Variants in RFPL4B observed in about 807,000 individuals in gnomAD.
RFPL4B encodes the protein ret finger protein like 4B.
For missense variants in RFPL4B, 314 were observed against 327.7 expected (o/e 0.96, Z 0.32); for synonymous variants, 118 against 126.3 (o/e 0.93, Z 0.44).
rs569618954 is a variant in RFPL4B at position 112,350,845 on chromosome 6, AG to A, written c.*346del. The A allele has an allele frequency of 7.5e-4, 149 of 197,390 alleles. No individual in the cohort carries two copies. The highest frequency in any genetic ancestry group is 1.3e-3 in the Admixed American group (24 of 17,798). 12.2% of individuals were successfully genotyped at this position (197,390 alleles called of 1,614,324 possible). The stretch of plus-strand genomic sequence containing the variant: ...AGTAAATAACAAATAGAGAAATCTT[AG>A]ATTGTAAGTAAGCTAGATATTAGGT... On this transcript the variant is annotated 3_prime_UTR_variant, in exon 3 of 3. Coordinates refer to ENST00000441065, the MANE Select transcript of RFPL4B (RefSeq NM_001013734.3).
chr6:112,348,618 TCTG>T (rs1789112281), intron 1 of RFPL4B, among the ~76,000 whole-genome samples: 2 of 152,342 alleles, frequency 1.3e-5, no homozygotes, highest in South Asian at 4.1e-4. Context: ...GGTAAGGAGT[TCTG>T]CTAGTTACTG....
chr6:112,350,231 TTCCCTGAGCATGGC>T lies in RFPL4B; in HGVS notation c.525_538del (p.Pro176LeufsTer12). 1.2e-6 allele frequency: 2 copies of T among 1,614,198 alleles called. No homozygotes were observed. Among genetic ancestry groups the T allele is most frequent in the Non-Finnish European group, 1.7e-6 (2 of 1,180,040 alleles). On this transcript the variant is annotated frameshift_variant, in exon 3 of 3. Coordinates refer to ENST00000441065, the MANE Select transcript of RFPL4B (RefSeq NM_001013734.3). LOFTEE classifies it low-confidence loss of function (END_TRUNC). ...GGCTGACAGAAAGAGCAATGATTTA[TTCCCTGAGCATGGC>T]TTCTGGATCAGCATGAAGGCAGGAG... is the stretch of plus-strand genomic sequence containing the variant.
At chr6:112,347,868 G>A (rs938473104) in intron 1 of RFPL4B, among the ~76,000 whole-genome samples, 4 of 152,088 alleles carry the variant, frequency 2.6e-5, no homozygotes, top group Non-Finnish European at 1.5e-5. Flanking sequence ...CAGCTACTCA[G>A]GAGACCGAGG....
chr6:112,348,726 A>G (rs1022011165), intron 1 of RFPL4B, among the ~76,000 whole-genome samples: 2 of 152,174 alleles, frequency 1.3e-5, no homozygotes, highest in African/African-American at 4.8e-5. Context: ...TCATGGGTCT[A>G]GCCTGGTCCA....
rs774059979 is a variant in RFPL4B at position 112,350,023 on chromosome 6, C to G, written c.315C>G (p.Ser105Arg). 6.2e-7 allele frequency: 1 copy of G among 1,614,076 alleles called. No homozygotes were observed. Among genetic ancestry groups the G allele is most frequent in the Non-Finnish European group, 8.5e-7 (1 of 1,180,036 alleles). ...EDVTLDAATA[S>R]SLLVFSNDLR... ...TGACCCTGGATGCAGCCACTGCCAGCTCCCTCCTTGTCTTCTCCAATGATC... is the reference window on the plus strand; with the variant it reads ...TGACCCTGGATGCAGCCACTGCCAGGTCCCTCCTTGTCTTCTCCAATGATC... Residue 105 changes from serine to arginine, a missense_variant, in exon 3 of 3, where the codon AGC (serine) becomes AGG (arginine). Ser to Arg is a moderately radical substitution (Grantham distance 110). Coordinates refer to ENST00000441065, the MANE Select transcript of RFPL4B (RefSeq NM_001013734.3).
rs527482707 is a variant in RFPL4B, at chr6:112,350,493, G to A, written c.785G>A (p.Cys262Tyr). Residue 262 changes from cysteine to tyrosine, a missense_variant, in exon 3 of 3, where the codon TGC (cysteine) becomes TAC (tyrosine). Transcript: ENST00000441065. ...GAGAGTGGCAACGTCCTGACCATCTGCCCATGAGAAAGTCAGCCCTTCCTA... is the reference window on the plus strand; with the variant it reads ...GAGAGTGGCAACGTCCTGACCATCTACCCATGAGAAAGTCAGCCCTTCCTA... ...EGESGNVLTI[C>Y]P is the part of the protein sequence containing the mutation. 11 of 1,572,314 alleles carry A rather than the reference G, an allele frequency of 7.0e-6. No individual in the cohort carries two copies. In the South Asian group the frequency reaches 1.3e-4, roughly 18 times the overall value.
At chr6:112,348,454 G>A (rs1789110003) in intron 1 of RFPL4B, among the ~76,000 whole-genome samples, 1 of 152,186 alleles carries the variant, frequency 6.6e-6, no homozygotes, top group Admixed American at 6.5e-5. Flanking sequence ...TAGAGAATGT[G>A]TTCTGGGATG....
At chr6:112,349,148 T>G (rs988976522) in intron 1 of RFPL4B, 45 bp from the exon 2 acceptor site, 14 of 152,192 alleles carry the variant, frequency 9.2e-5, no homozygotes, top group African/African-American at 2.9e-4. Flanking sequence ...GGCTTTATTT[T>G]CATTATTGAA....
Position 112,350,124 on chromosome 6 carries a change from C to T in RFPL4B, c.416C>T (p.Pro139Leu). The change falls in exon 3 of 3, where the codon CCC (proline) becomes CTC (leucine). Residue 139 changes from proline to leucine, a missense_variant. By Grantham distance (98) the Pro-to-Leu change is moderately conservative. Coordinates refer to ENST00000441065, the MANE Select transcript of RFPL4B (RefSeq NM_001013734.3). ...DPRLACVLGT[P>L]CFSSGQHYWE... is the part of the protein sequence containing the mutation. Reference sequence around the variant, plus strand: ...AGGCTGGCCTGTGTCCTGGGTACTCCCTGCTTCTCCTCCGGCCAACATTAC... The same window carrying T: ...AGGCTGGCCTGTGTCCTGGGTACTCTCTGCTTCTCCTCCGGCCAACATTAC... 6.2e-7 allele frequency: 1 copy of T among 1,614,158 alleles called. No homozygotes were observed. The highest frequency in any genetic ancestry group is 8.5e-7 in the Non-Finnish European group (1 of 1,180,040).
At position 112,349,707 on chromosome 6, in the gene RFPL4B, C is replaced by A. The variant is rs1257351976; in HGVS notation, c.-2C>A. On this transcript the variant is annotated 5_prime_UTR_variant, in exon 3 of 3. Coordinates refer to ENST00000441065, the MANE Select transcript of RFPL4B (RefSeq NM_001013734.3). ...ACGGCTAAGGAGTAACCCTTAAGAA[C>A]CATGGCCAAACGCCTGCAAGCAGAG... 6.2e-7 allele frequency: 1 copy of A among 1,612,646 alleles called. No individual in the cohort carries two copies. Among genetic ancestry groups the A allele is most frequent in the East Asian group, 2.2e-5 (1 of 44,870 alleles).
chr6:112,348,351 G>C (rs1789109195), intron 1 of RFPL4B, among the ~76,000 whole-genome samples: 1 of 152,208 alleles, frequency 6.6e-6, no homozygotes, highest in South Asian at 2.1e-4. Context: ...TATGTGGGCA[G>C]ATACCCTGTT....
Sources: gnomAD v4.1 joint callset for allele counts (sites outside exome capture counted in the v4.1 genomes callset) on GRCh38, gnomAD v4.1.1 for gene constraint, MANE v1.5 for transcripts, NCBI Gene and HGNC (gene_info 2026-07-23, HGNC 2026-07-21) for gene names.